Variants in ZNF248 observed in about 807,000 individuals in gnomAD.
ZNF248 encodes zinc finger protein 248.
In ZNF248, 20 loss-of-function variants were observed where a neutral mutation model predicts 44.3. That is an observed-to-expected ratio of 0.45 (90% CI 0.32 to 0.66). The LOEUF (loss-of-function observed/expected upper bound fraction) is 0.66, where lower values mean the gene tolerates loss of function less well. ZNF248 is among the 30% of genes least tolerant of loss of function. ZNF248 has a pLI of 0.04. For synonymous variants in ZNF248, 224 were observed against 229.0 expected, an observed-to-expected ratio of 0.98 and a Z score of 0.20; for missense variants, 654 against 677.0, an observed-to-expected ratio of 0.97 and a Z score of 0.38.
the ZNF248 span, among the ~76,000 whole-genome samples, chr10:37,771,161 T>C: frequency 2.0e-5 from 3 of 152,248 alleles, no homozygotes; most frequent in African/African-American, 7.2e-5. Flanking sequence ...GGAACACTTT[T>C]ACACTGTTGG....
rs1190691761 is a variant in ZNF248, at chr10:37,834,839, C to CA, written c.239-1724dup. Among the ~76,000 whole-genome samples, 5 of 152,002 alleles carry CA rather than the reference C, an allele frequency of 3.3e-5. 1 individual carries two copies. The highest frequency in any genetic ancestry group is 1.2e-4 in the African/African-American group (5 of 41,392). The stretch of plus-strand genomic sequence containing the variant: ...GGAAGTTTTCCAGTAAATGAGAAAA[C>CA]ATTTGCAAATAAAATTTAAGATATA... On this transcript the variant is annotated intron_variant, in intron 5 of 5. Coordinates refer to ENST00000395867, the MANE Select transcript of ZNF248 (RefSeq NM_021045.3).
chr10:37,848,288 G>C (rs1161504309), intron 3 of ZNF248, among the ~76,000 whole-genome samples: 1 of 149,090 alleles, frequency 6.7e-6, no homozygotes, highest in Non-Finnish European at 1.5e-5. Flanking sequence ...AAAGAAAAAA[G>C]AAAAACAGAA....
chr10:37,815,221 C>G (rs1217517859), intron 6 of ZNF248, among the ~76,000 whole-genome samples: 1 of 152,130 alleles, frequency 6.6e-6, no homozygotes, highest in Non-Finnish European at 1.5e-5. Flanking sequence ...CACATGCCAC[C>G]ATGCATGGCT....
rs1362603408 is a variant in ZNF248, at chr10:37,791,521, A to AGGTG, written c.331-14950_331-14947dup. 5.3e-5 allele frequency: 8 copies of AGGTG among 152,202 alleles called. No individual in the cohort carries two copies. The East Asian group carries it at 1.5e-3, about 29-fold the overall frequency. The allele number at this position is 152,202 out of a possible 1,614,324, so 9.4% of individuals were successfully genotyped here. A position where few individuals can be genotyped will look rare whatever the true frequency, so the allele number is the denominator to read the frequency against. On this transcript the variant is annotated intron_variant, in intron 6 of 6. Coordinates refer to the ZNF248 transcript ENST00000615949. ...TCTGTTTTTCATATACCAATTGAAG[A>AGGTG]GGTGGAGATTAGCTTCTGGCTTATC...
rs2055601925 is a variant in ZNF248 at position 37,831,457 on chromosome 10, C to T, written c.*158G>A. ...TAGATGAATAGAATTCCCCTCAGTA[C>T]AAATTTTCTAATGAAAAGTTTTAAT... On this transcript the variant is annotated 3_prime_UTR_variant, in exon 6 of 6. Coordinates refer to ENST00000395867, the MANE Select transcript of ZNF248 (RefSeq NM_021045.3). The T allele has an allele frequency of 6.8e-7, 1 of 1,461,070 alleles. No individual in the cohort carries two copies. Among genetic ancestry groups the T allele is most frequent in the Non-Finnish European group, 9.0e-7 (1 of 1,108,250 alleles). 90.5% of individuals were successfully genotyped at this position (1,461,070 alleles called of 1,614,324 possible). A position where few individuals can be genotyped will look rare whatever the true frequency, so the allele number is the denominator to read the frequency against.
the ZNF248 span, among the ~76,000 whole-genome samples, chr10:37,767,292 C>T: frequency 6.6e-6 from 1 of 151,970 alleles, no homozygotes; most frequent in Admixed American, 6.5e-5. Context: ...AGATACTCCT[C>T]GAGAAGAGCA....
At chr10:37,854,841 T>C (rs1590044086) in intron 3 of ZNF248, among the ~76,000 whole-genome samples, 1 of 152,236 alleles carries the variant, frequency 6.6e-6, no homozygotes, top group African/African-American at 2.4e-5. Flanking sequence ...ATGCTATTCA[T>C]GTTCTGTCAG....
chr10:37,784,648 C>A (rs769878857), intron 6 of ZNF248, among the ~76,000 whole-genome samples: 1 of 152,168 alleles, frequency 6.6e-6, no homozygotes, highest in Admixed American at 6.5e-5. Context: ...TCACTTTGTT[C>A]TAGACTAGAT....
intron 6 of ZNF248, among the ~76,000 whole-genome samples, chr10:37,792,131 A>G (rs2048628891): frequency 6.6e-6 from 1 of 152,084 alleles, no homozygotes; most frequent in Non-Finnish European, 1.5e-5. Flanking sequence ...CTCCCACAAG[A>G]TAGGGAGGTG....
At chr10:37,768,014 C>G in the ZNF248 span, among the ~76,000 whole-genome samples, 1 of 152,068 alleles carries the variant, frequency 6.6e-6, no homozygotes, top group East Asian at 1.9e-4. Flanking sequence ...CAACACAGAT[C>G]AAAAGAGACA....
intron 3 of ZNF248, among the ~76,000 whole-genome samples, chr10:37,845,377 AT>A (rs1279401369): frequency 6.7e-6 from 1 of 148,800 alleles, no homozygotes; most frequent in African/African-American, 2.5e-5. Context: ...GGCAGAATGG[AT>A]TTAAAAAAAA....
chr10:37,795,602 T>C (rs763391607), intron 6 of ZNF248: 6 of 152,184 alleles, frequency 3.9e-5, no homozygotes, highest in Admixed American at 2.0e-4. Flanking sequence ...CTGAACACAG[T>C]ATTCATTATG....
chr10:37,820,880 G>GT, intron 6 of ZNF248: 2 of 1,312,786 alleles, frequency 1.5e-6, no homozygotes, highest in Non-Finnish European at 1.1e-6. Context: ...CATATTTATT[G>GT]TTTTTTCCTC....
At chr10:37,782,187 T>C (rs1258737895) in intron 6 of ZNF248, among the ~76,000 whole-genome samples, 1 of 152,202 alleles carries the variant, frequency 6.6e-6, no homozygotes, top group African/African-American at 2.4e-5. Context: ...AACTGTGGTC[T>C]TGCCTCTAGT....
At chr10:37,813,723 A>G (rs931926630) in intron 6 of ZNF248, among the ~76,000 whole-genome samples, 1 of 152,106 alleles carries the variant, frequency 6.6e-6, no homozygotes, top group African/African-American at 2.4e-5. Context: ...ACTAGTAGTT[A>G]CATTTTGGGG....
intron 6 of ZNF248, chr10:37,818,718 C>A: frequency 1.7e-6 from 1 of 589,446 alleles, no homozygotes; most frequent in South Asian, 1.7e-5. Context: ...GGTCACAGGC[C>A]AGTTGCTGGG....
intron 3 of ZNF248, among the ~76,000 whole-genome samples, chr10:37,840,062 A>C (rs1260620761): frequency 6.6e-6 from 1 of 152,218 alleles, no homozygotes; most frequent in Non-Finnish European, 1.5e-5. Flanking sequence ...AAAGCTAAAC[A>C]ACCATACAAA....
At chr10:37,812,990 G>A (rs1242411748) in intron 6 of ZNF248, among the ~76,000 whole-genome samples, 2 of 144,926 alleles carry the variant, frequency 1.4e-5, no homozygotes, top group African/African-American at 5.0e-5. Context: ...AGCCAATCAA[G>A]GAAATCATAA....
chr10:37,761,461 T>A, the ZNF248 span, among the ~76,000 whole-genome samples: 1 of 152,208 alleles, frequency 6.6e-6, no homozygotes, highest in African/African-American at 2.4e-5. Flanking sequence ...CCTTACCTCA[T>A]AGCAACAACA....
Sources: allele counts gnomAD v4.1 joint callset (sites outside exome capture counted in the v4.1 genomes callset), GRCh38; gene constraint gnomAD v4.1.1; transcripts MANE v1.5; gene names NCBI Gene and HGNC (gene_info 2026-07-23, HGNC 2026-07-21).